CDH11: variants seen among roughly 807,000 people sequenced by gnomAD.
CDH11 encodes the protein cadherin 11.
CDH11 carries 11 observed loss-of-function variants against 67.8 expected under a neutral mutation model. That is an observed-to-expected ratio of 0.16 (90% CI 0.10 to 0.27). The LOEUF is 0.27. CDH11 is among the 10% of genes least tolerant of loss of function. The pLI, the probability that CDH11 is intolerant of heterozygous loss-of-function variation, is 1.00. For missense variants in CDH11, 847 were observed against 1,031.2 expected, an observed-to-expected ratio of 0.82 and a Z score of 2.45; for synonymous variants, 419 against 400.0, an observed-to-expected ratio of 1.05 and a Z score of -0.57.
intron 2 of CDH11, among the ~76,000 whole-genome samples, chr16:65,040,290 G>A (rs1402970978): frequency 1.3e-5 from 2 of 152,154 alleles, no homozygotes; most frequent in Non-Finnish European, 2.9e-5. Context: ...CAATAGCAAA[G>A]ACTTGGAACC....
At chr16:64,993,892 T>A (rs942500856) in intron 4 of CDH11, among the ~76,000 whole-genome samples, 6 of 152,296 alleles carry the variant, frequency 3.9e-5, no homozygotes, top group Non-Finnish European at 8.8e-5. Flanking sequence ...ATTCCATGTA[T>A]TTTGCCAGCA....
intron 1 of CDH11, among the ~76,000 whole-genome samples, chr16:65,082,913 A>C (rs1480846214): frequency 6.6e-6 from 1 of 152,152 alleles, no homozygotes; most frequent in East Asian, 1.9e-4. Flanking sequence ...CTTTACCTGT[A>C]ATAGGCTGTG....
Position 65,004,745 on chromosome 16 carries a change from C to T in CDH11, c.125G>A (p.Gly42Asp). 6.2e-7 allele frequency: 1 copy of T among 1,613,814 alleles called. No homozygotes were observed. The highest frequency in any genetic ancestry group is 2.2e-5 in the East Asian group (1 of 44,848). ...GCGCTGTAGCACCTGCCCCTCCTTGCCCTTCTCATGGTGCCCATGGAAGGA... is the reference window on the plus strand; with the variant it reads ...GCGCTGTAGCACCTGCCCCTCCTTGTCCTTCTCATGGTGCCCATGGAAGGA... Reference protein sequence around the residue: ...RPSFHGHHEKGKEGQVLQRSK... With the variant: ...RPSFHGHHEKDKEGQVLQRSK... Residue 42 changes from glycine to aspartate, a missense_variant, in exon 3 of 13, where the codon GGC becomes GAC. Physicochemically the swap from Gly to Asp is moderately conservative, Grantham distance 94. Transcript: ENST00000268603.
intron 2 of CDH11, among the ~76,000 whole-genome samples, chr16:65,041,183 G>A (rs2073861394): frequency 6.6e-6 from 1 of 152,090 alleles, no homozygotes; most frequent in African/African-American, 2.4e-5. Flanking sequence ...CAAATAGACA[G>A]TATGTTCTTG....
chr16:64,958,497 A>G (rs1008005044), intron 11 of CDH11, among the ~76,000 whole-genome samples: 27 of 152,204 alleles, frequency 1.8e-4, no homozygotes, highest in Non-Finnish European at 2.2e-4. Context: ...TTTTACATAC[A>G]TTATCCCAGA....
intron 1 of CDH11, among the ~76,000 whole-genome samples, chr16:65,098,942 G>A (rs1331784453): frequency 6.6e-6 from 1 of 152,080 alleles, no homozygotes; most frequent in South Asian, 2.1e-4. Flanking sequence ...TGACCTTTGA[G>A]GTCACTTTCA....
intron 2 of CDH11, among the ~76,000 whole-genome samples, chr16:65,018,248 G>A (rs2073350862): frequency 6.6e-6 from 1 of 152,126 alleles, no homozygotes; most frequent in South Asian, 2.1e-4. Flanking sequence ...ACCCTGTGCA[G>A]GGACTCCATA....
rs1266895448 is a variant in CDH11 at position 64,945,736 on chromosome 16, T to G, written c.*1867A>C. ...ATTTCAATGCAAAGTAAAATGGAAG[T>G]GAGCACTTCATAAAAAACATTTCTT... is the stretch of plus-strand genomic sequence containing the variant. On this transcript the variant is annotated 3_prime_UTR_variant, in exon 13 of 13. Coordinates refer to ENST00000268603, the MANE Select transcript of CDH11 (RefSeq NM_001797.4). The G allele has an allele frequency of 5.8e-6, 6 of 1,043,062 alleles. No homozygotes were observed. The African/African-American group carries it at 6.7e-5, about 12-fold the overall frequency. The allele number at this position is 1,043,062 out of a possible 1,614,324, so 64.6% of individuals were successfully genotyped here. A position where few individuals can be genotyped will look rare whatever the true frequency, so the allele number is the denominator to read the frequency against.
chr16:65,084,148 A>C (rs544402630), intron 1 of CDH11, among the ~76,000 whole-genome samples: 1 of 152,360 alleles, frequency 6.6e-6, no homozygotes, highest in Admixed American at 6.5e-5. Context: ...TATTTCATTT[A>C]TTCAATGAAA....
At chr16:65,054,882 G>A (rs2074117676) in intron 1 of CDH11, among the ~76,000 whole-genome samples, 1 of 152,028 alleles carries the variant, frequency 6.6e-6, no homozygotes, top group Non-Finnish European at 1.5e-5. Flanking sequence ...GTTTGATATT[G>A]CTTCCATCGA....
intron 1 of CDH11, chr16:65,119,229 C>T (rs548263694): frequency 5.3e-5 from 8 of 152,208 alleles, no homozygotes; most frequent in Non-Finnish European, 1.0e-4. Flanking sequence ...GAAATTGATC[C>T]GTATTCCCCC....
intron 1 of CDH11, among the ~76,000 whole-genome samples, chr16:65,110,588 G>A (rs2075139130): frequency 6.6e-6 from 1 of 151,576 alleles, no homozygotes; most frequent in South Asian, 2.1e-4. Flanking sequence ...TACAGCCACT[G>A]CTACAGTGAC....
intron 11 of CDH11, among the ~76,000 whole-genome samples, chr16:64,962,310 C>G (rs1365137088): frequency 6.6e-6 from 1 of 152,040 alleles, no homozygotes; most frequent in South Asian, 2.1e-4. Flanking sequence ...AATAAAAAAA[C>G]AAACAAACTA....
intron 1 of CDH11, among the ~76,000 whole-genome samples, chr16:65,101,133 A>G (rs922486448): frequency 6.6e-6 from 1 of 152,202 alleles, no homozygotes; most frequent in Admixed American, 6.5e-5. Flanking sequence ...ATGTTCTAAT[A>G]ACATTTCCAT....
chr16:65,094,096 C>G (rs913631574), intron 1 of CDH11, among the ~76,000 whole-genome samples: 1 of 152,062 alleles, frequency 6.6e-6, no homozygotes, highest in African/African-American at 2.4e-5. Flanking sequence ...AGTCGAATGG[C>G]CTTCATAAAT....
chr16:64,990,131 C>T (rs1230377810), intron 6 of CDH11, among the ~76,000 whole-genome samples: 2 of 152,130 alleles, frequency 1.3e-5, no homozygotes, highest in East Asian at 3.9e-4. Flanking sequence ...AAAACCAGTA[C>T]AGTAGCAATG....
chr16:65,097,575 A>C (rs2074921155), intron 1 of CDH11, among the ~76,000 whole-genome samples: 1 of 149,336 alleles, frequency 6.7e-6, no homozygotes, highest in Non-Finnish European at 1.5e-5. Flanking sequence ...TGACAAAACA[A>C]ATGTCTCTAG....
Position 64,972,960 on chromosome 16 carries a change from G to A in CDH11, c.1334C>T (p.Pro445Leu). Reference sequence around the variant, plus strand: ...CCAGGCTGTTTCCTCTCTATCCAGAGGTTTTGTAGTTTTAATAAAACCATC... The same window carrying A: ...CCAGGCTGTTTCCTCTCTATCCAGAAGTTTTGTAGTTTTAATAAAACCATC... Reference protein sequence around the residue: ...PEDGFIKTTKPLDREETAWLN... With the variant: ...PEDGFIKTTKLLDREETAWLN... The change falls in exon 9 of 13, where the codon CCT becomes CTT. Residue 445 changes from proline to leucine, a missense_variant. Pro to Leu is a moderately conservative substitution (Grantham distance 98). Transcript: ENST00000268603. The A allele has an allele frequency of 6.2e-7, 1 of 1,613,808 alleles. No homozygotes were observed. The highest frequency in any genetic ancestry group is 8.5e-7 in the Non-Finnish European group (1 of 1,179,796).
At chr16:65,070,069 A>G (rs955067324) in intron 1 of CDH11, among the ~76,000 whole-genome samples, 3 of 152,212 alleles carry the variant, frequency 2.0e-5, no homozygotes, top group African/African-American at 4.8e-5. Context: ...GCTGCTGAGT[A>G]TAAGTCCAGA....
Sources: allele counts gnomAD v4.1 joint callset (sites outside exome capture counted in the v4.1 genomes callset), GRCh38; gene constraint gnomAD v4.1.1; transcripts MANE v1.5; gene names NCBI Gene and HGNC (gene_info 2026-07-23, HGNC 2026-07-21).